NXT2: variants seen among roughly 807,000 people sequenced by gnomAD.
The protein encoded by NXT2 is nuclear transport factor 2 like export factor 2.
In NXT2, 1 loss-of-function variant was observed where a neutral mutation model predicts 9.6. The observed-to-expected ratio is 0.10, with a 90% CI of 0.04 to 0.49. The LOEUF is 0.49. NXT2 is among the 20% of genes least tolerant of loss of function. The pLI is 0.95. For missense variants in NXT2, 48 were observed against 100.3 expected (o/e 0.48, Z 2.23); for synonymous variants, 22 against 35.4 (o/e 0.62, Z 1.34).
In NXT2 at chrX:109,536,883, A is replaced by G; in HGVS notation, c.-124A>G. 8.4e-7 allele frequency: 1 copy of G among 1,185,677 alleles called. No homozygotes were observed. Among genetic ancestry groups the G allele is most frequent in the Non-Finnish European group, 1.1e-6 (1 of 879,927 alleles). On this transcript the variant is annotated 5_prime_UTR_variant, in exon 1 of 4. Transcript: ENST00000372106. ...CCGGGAGAGAATGGGAGGGTGGAAAATTTTGTGCGTTTGGCGGGTTTCGCT... is the reference window on the plus strand; with the variant it reads ...CCGGGAGAGAATGGGAGGGTGGAAAGTTTTGTGCGTTTGGCGGGTTTCGCT...
At chrX:109,537,129 C>T in intron 1 of NXT2, 108 bp downstream of exon 1, 1 of 1,104,421 alleles carries the variant, frequency 9.1e-7, no homozygotes, top group Non-Finnish European at 1.2e-6. Flanking sequence ...TGACGAATCA[C>T]GTCCCGGCTC....
At position 109,538,764 on chromosome X, in the gene NXT2, C is replaced by A. The variant is rs1008865851; in HGVS notation, c.102+633C>A. On this transcript the variant is annotated intron_variant, in intron 2 of 3. Coordinates refer to ENST00000372106, the MANE Select transcript of NXT2 (RefSeq NM_001242617.2). ...AAGTGAGTCTTGCCTAGGTCTCTTA[C>A]CAGCATAGAACTGTGCTTTGGAGAA... Among the ~76,000 whole-genome samples, 6 of 111,373 alleles carry A rather than the reference C, an allele frequency of 5.4e-5. No individual in the cohort carries two copies. In the East Asian group the frequency reaches 1.7e-3, roughly 31 times the overall value.
In NXT2 at chrX:109,541,888, A is replaced by G. The variant is rs59469418; in HGVS notation, c.247+269A>G. On this transcript the variant is annotated intron_variant, in intron 3 of 3. Coordinates refer to ENST00000372106, the MANE Select transcript of NXT2 (RefSeq NM_001242617.2). ...TGTGATTTTTGTAAATGGCAGGGAA[A>G]GATTATCTGATTTCTCTAAATAGTT... Among the ~76,000 whole-genome samples, 916 of 112,032 alleles carry G rather than the reference A, an allele frequency of 8.2e-3. 10 individuals carry two copies. Among genetic ancestry groups the G allele is most frequent in the African/African-American group, 0.027 (833 of 30,914 alleles).
upstream of NXT2, chrX:109,535,902 A>G: frequency 8.3e-7 from 1 of 1,198,482 alleles, no homozygotes; most frequent in Non-Finnish European, 1.1e-6. Context: ...TACAGAAGCC[A>G]CTGGTCTCAG....
In NXT2 at chrX:109,543,988, G is replaced by A. The variant is rs1182777219; in HGVS notation, c.*1300G>A. 1 of 112,176 alleles carries A rather than the reference G, an allele frequency of 8.9e-6. No individual in the cohort carries two copies. Among genetic ancestry groups the A allele is most frequent in the Non-Finnish European group, 1.9e-5 (1 of 53,037 alleles). The allele number at this position is 112,176 out of a possible 1,213,427, so 9.2% of individuals were successfully genotyped here. ...TAGATCTGTTTCAAAATATGTTCCCGCTATGTGGATAACTCTTCTTTTTAA... is the reference window on the plus strand; with the variant it reads ...TAGATCTGTTTCAAAATATGTTCCCACTATGTGGATAACTCTTCTTTTTAA... On this transcript the variant is annotated 3_prime_UTR_variant, in exon 4 of 4. Coordinates refer to ENST00000372106, the MANE Select transcript of NXT2 (RefSeq NM_001242617.2).
intron 3 of NXT2, among the ~76,000 whole-genome samples, chrX:109,542,004 A>G (rs1174267159): frequency 8.9e-6 from 1 of 111,771 alleles, no homozygotes; most frequent in African/African-American, 3.2e-5. Flanking sequence ...AATATTTCAC[A>G]GAAATTTACT....
intron 1 of NXT2, 134 bp downstream of exon 1, chrX:109,537,155 G>C: frequency 9.3e-7 from 1 of 1,071,181 alleles, no homozygotes; most frequent in Non-Finnish European, 1.2e-6. Flanking sequence ...ACTGCGGGGC[G>C]GGGCCCACGC....
chrX:109,536,096 G>T, upstream of NXT2: 1 of 489,145 alleles, frequency 2.0e-6, no homozygotes. Context: ...CAGTTATATT[G>T]CTTGAGTTTG....
chrX:109,543,402 T>C lies in NXT2; in HGVS notation c.*714T>C, dbSNP rs965646809. On this transcript the variant is annotated 3_prime_UTR_variant, in exon 4 of 4. Coordinates refer to ENST00000372106, the MANE Select transcript of NXT2 (RefSeq NM_001242617.2). The stretch of plus-strand genomic sequence containing the variant: ...GCTCCAGGTCTATACATTTAGGTAA[T>C]GAATGGTAGTAGAACTAATAGCTTT... 1.8e-5 allele frequency: 2 copies of C among 111,802 alleles called. No homozygotes were observed. Among genetic ancestry groups the C allele is most frequent in the East Asian group, 5.6e-4 (2 of 3,592 alleles). The allele number at this position is 111,802 out of a possible 1,213,427, so 9.2% of individuals were successfully genotyped here.
intron 2 of NXT2, among the ~76,000 whole-genome samples, chrX:109,540,615 C>T (rs1452038091): frequency 1.8e-5 from 2 of 112,259 alleles, no homozygotes; most frequent in East Asian, 5.6e-4. Context: ...CGTGAGCCAC[C>T]ATGCCTGCCT....
intron 1 of NXT2, 186 bp downstream of exon 1, chrX:109,537,207 C>T (rs1933297715): frequency 9.7e-7 from 1 of 1,028,367 alleles, no homozygotes; most frequent in Non-Finnish European, 1.2e-6. Context: ...GCCTGGTTAG[C>T]AGTCGCTTTC....
intron 1 of NXT2, 61 bp downstream of exon 1, chrX:109,537,082 A>G: frequency 8.6e-7 from 1 of 1,167,852 alleles, no homozygotes; most frequent in Non-Finnish European, 1.1e-6. Flanking sequence ...GAGAGGAGGG[A>G]TTCCGGGGCG....
chrX:109,537,392 C>G (rs980388497), intron 1 of NXT2: 3 of 791,739 alleles, frequency 3.8e-6, no homozygotes, highest in African/African-American at 4.5e-5. Flanking sequence ...AGACTGGGCC[C>G]CGTACATGAA....
intron 2 of NXT2, among the ~76,000 whole-genome samples, chrX:109,538,689 C>T (rs1221406150): frequency 1.8e-5 from 2 of 110,952 alleles, no homozygotes; most frequent in African/African-American, 6.6e-5. Flanking sequence ...TTTTTCATTG[C>T]AACTTATCCC....
upstream of NXT2, chrX:109,535,914 G>A (rs779725846): frequency 2.5e-6 from 3 of 1,205,811 alleles, no homozygotes; most frequent in South Asian, 1.8e-5. Flanking sequence ...TGGTCTCAGG[G>A]AGACAGAGAA....
At chrX:109,535,862 A>G, upstream of NXT2, 1 of 1,108,689 alleles carries the variant, frequency 9.0e-7, no homozygotes, top group Non-Finnish European at 1.2e-6. Context: ...AAAGAGCCAG[A>G]TAAAGAGAAA....
Position 109,542,635 on chromosome X carries a change from G to T in NXT2, c.376G>T (p.Val126Leu), listed in dbSNP as rs1375591785. The part of the protein sequence containing the change: ...LTAQSTPNNT[V>L]WKIASDCFRF... ...TGCTCAGTCCACTCCCAACAATACT[G>T]TGTGGAAGATTGCAAGTGATTGCTT... The change falls in exon 4 of 4, where the codon GTG (valine) becomes TTG (leucine). Residue 126 changes from valine to leucine, a missense_variant. Physicochemically the swap from Val to Leu is conservative, Grantham distance 32 (BLOSUM62 1). Transcript: ENST00000372106. 8.3e-7 allele frequency: 1 copy of T among 1,203,378 alleles called. No homozygotes were observed. Among genetic ancestry groups the T allele is most frequent in the Admixed American group, 2.2e-5 (1 of 45,067 alleles).
rs190440217 is a variant in NXT2 at position 109,540,836 on chromosome X, C to T, written c.103-639C>T. Among the ~76,000 whole-genome samples, 264 of 111,602 alleles carry T rather than the reference C, an allele frequency of 2.4e-3. 1 individual carries two copies. Among genetic ancestry groups the T allele is most frequent in the African/African-American group, 7.6e-3 (233 of 30,767 alleles). On this transcript the variant is annotated intron_variant, in intron 2 of 3. Coordinates refer to ENST00000372106, the MANE Select transcript of NXT2 (RefSeq NM_001242617.2). ...GCATGGTATGACATGCCTGTAACCC[C>T]AGCTACTTGGGAGGCTGAGGCAAGA...
In NXT2 at chrX:109,539,195, A is replaced by G. The variant is rs546791108; in HGVS notation, c.102+1064A>G. Among the ~76,000 whole-genome samples, 28 of 112,228 alleles carry G rather than the reference A, an allele frequency of 2.5e-4. No homozygotes were observed. In the South Asian group the frequency reaches 9.9e-3, roughly 40 times the overall value. On this transcript the variant is annotated intron_variant, in intron 2 of 3. Coordinates refer to ENST00000372106, the MANE Select transcript of NXT2 (RefSeq NM_001242617.2). ...AACTTCATCCATGTCCCTGCAAAGA[A>G]CAGGAACTCATCCTTTTTTATGGCT...
Sources: allele counts gnomAD v4.1 joint callset (sites outside exome capture counted in the v4.1 genomes callset), GRCh38; gene constraint gnomAD v4.1.1; transcripts MANE v1.5; gene names NCBI Gene and HGNC (gene_info 2026-07-23, HGNC 2026-07-21).